ARHGEF12: variants seen among roughly 807,000 people sequenced by gnomAD.
ARHGEF12 encodes KMT2A/ARHGEF12 fusion protein.
ARHGEF12 carries 66 observed loss-of-function variants against 211.2 expected under a neutral mutation model. The ratio of observed to expected loss-of-function variants is 0.31; its 90% CI spans 0.26 to 0.38. ARHGEF12 has a LOEUF of 0.38. Among genes scored for constraint, ARHGEF12 ranks in the 10% least tolerant of loss-of-function variants. The probability of loss-of-function intolerance (pLI) is 1.00; values close to 1 mark genes in which losing one functional copy is unlikely to be tolerated. For synonymous variants in ARHGEF12, 592 were observed against 638.4 expected, an observed-to-expected ratio of 0.93 and a Z score of 1.09; for missense variants, 1,429 against 1,869.5, an observed-to-expected ratio of 0.76 and a Z score of 4.34.
intron 1 of ARHGEF12, among the ~76,000 whole-genome samples, chr11:120,355,438 T>G (rs1943105912): frequency 3.9e-5 from 6 of 152,230 alleles, no homozygotes. Flanking sequence ...ATATAATAAT[T>G]GTACAAGGCA....
intron 1 of ARHGEF12, among the ~76,000 whole-genome samples, chr11:120,383,848 G>C (rs566562139): frequency 6.6e-6 from 1 of 152,176 alleles, no homozygotes; most frequent in African/African-American, 2.4e-5. Context: ...AACAGTGGAA[G>C]ATTTTGTTAG....
chr11:120,461,557 A>G (rs1591623336), intron 27 of ARHGEF12, among the ~76,000 whole-genome samples: 1 of 152,212 alleles, frequency 6.6e-6, no homozygotes, highest in South Asian at 2.1e-4. Flanking sequence ...TTCAACTTAA[A>G]GTCATTGGCC....
chr11:120,397,161 A>G lies in ARHGEF12; in HGVS notation c.33-8957A>G, dbSNP rs11217855. 5.9e-5 allele frequency among the ~76,000 whole-genome samples: 9 copies of G among 152,314 alleles called. No individual in the cohort carries two copies. In the East Asian group the frequency reaches 1.2e-3, roughly 20 times the overall value. On this transcript the variant is annotated intron_variant, in intron 1 of 40. Transcript: ENST00000397843. ...TTTGTGTGTTTGTTTTCTACTTTCAACACAAATAGGGAGAGAGTCTCTCTC... is the reference window on the plus strand; with the variant it reads ...TTTGTGTGTTTGTTTTCTACTTTCAGCACAAATAGGGAGAGAGTCTCTCTC...
intron 1 of ARHGEF12, chr11:120,365,871 T>C (rs1044632126): frequency 6.6e-6 from 1 of 151,970 alleles, no homozygotes; most frequent in African/African-American, 2.4e-5. Context: ...TGTATCCCTG[T>C]TAACACTTCC....
At chr11:120,366,759 A>C (rs542891434) in intron 1 of ARHGEF12, among the ~76,000 whole-genome samples, 1 of 152,256 alleles carries the variant, frequency 6.6e-6, no homozygotes, top group African/African-American at 2.4e-5. Flanking sequence ...TCACGCCTGT[A>C]ATCTCAGCAC....
At position 120,460,702 on chromosome 11, in the gene ARHGEF12, G is replaced by A. The variant is rs768635441; in HGVS notation, c.2558G>A (p.Arg853Gln). The A allele has an allele frequency of 2.6e-5, 42 of 1,613,682 alleles. No homozygotes were observed. The highest frequency in any genetic ancestry group is 2.9e-5 in the Non-Finnish European group (34 of 1,179,892). ...TTGAATGAACAAATGAAGGCTGTTC[G>A]AAAGAGAAATGAGACCTCTGTTATC... ...IGLNEQMKAV[R>Q]KRNETSVIDQ... The change falls in exon 27 of 41, where the codon CGA (arginine) becomes CAA (glutamine). Residue 853 changes from arginine to glutamine, a missense_variant. Arg to Gln is a conservative substitution (Grantham distance 43). Around this residue, in one of 7 missense-constraint regions of ARHGEF12, gnomAD observed 223 missense variants for 444.6 expected, o/e 0.50. Transcript: ENST00000397843.
At chr11:120,426,729 CTG>C (rs925927001) in intron 7 of ARHGEF12, among the ~76,000 whole-genome samples, 7 of 152,140 alleles carry the variant, frequency 4.6e-5, no homozygotes, top group African/African-American at 1.4e-4. Flanking sequence ...CACCAAAACA[CTG>C]TGAAATAATT....
intron 1 of ARHGEF12, among the ~76,000 whole-genome samples, chr11:120,377,338 T>A (rs1487339843): frequency 6.6e-6 from 1 of 152,134 alleles, no homozygotes; most frequent in Non-Finnish European, 1.5e-5. Context: ...TGTGTCTGTC[T>A]TCTCTGTCTC....
intron 1 of ARHGEF12, among the ~76,000 whole-genome samples, chr11:120,345,027 G>GTAC (rs1421669305): frequency 1.3e-5 from 2 of 152,008 alleles, no homozygotes; most frequent in Admixed American, 1.3e-4. Flanking sequence ...CCTTGCTCTA[G>GTAC]TACTGGTTAA....
chr11:120,464,972 C>T, intron 27 of ARHGEF12: 1 of 346,156 alleles, frequency 2.9e-6, no homozygotes, highest in Non-Finnish European at 5.2e-6. Flanking sequence ...TGCCATTGTA[C>T]TCCAGCCTGG....
intron 38 of ARHGEF12, 123 bp from the exon 39 acceptor site, chr11:120,481,137 C>T: frequency 1.2e-6 from 1 of 851,358 alleles, no homozygotes; most frequent in Non-Finnish European, 1.8e-6. Context: ...AAACTAAACT[C>T]AGGAATTAAT....
At chr11:120,351,337 G>A (rs1304192082) in intron 1 of ARHGEF12, among the ~76,000 whole-genome samples, 13 of 25,294 alleles carry the variant, frequency 5.1e-4, no homozygotes, top group East Asian at 1.9e-3. Context: ...GCAAGACTCC[G>A]TCTCAAAAAA....
At chr11:120,477,862 C>CAAAAAAAAAAAAAAAAA (rs528182938) in intron 36 of ARHGEF12, among the ~76,000 whole-genome samples, 2 of 69,354 alleles carry the variant, frequency 2.9e-5, no homozygotes, top group Non-Finnish European at 5.9e-5. Context: ...ACCGAAACAC[C>CAAAAAAAAAAAAAAAAA]AAAAAAAAAA....
chr11:120,381,042 T>A (rs1481673190), intron 1 of ARHGEF12, among the ~76,000 whole-genome samples: 1 of 152,198 alleles, frequency 6.6e-6, no homozygotes, highest in Non-Finnish European at 1.5e-5. Flanking sequence ...TTTCTTTGCA[T>A]CAGCTGTAGA....
intron 2 of ARHGEF12, 81 bp from the exon 3 acceptor site, chr11:120,407,657 A>G (rs1591552378): frequency 9.8e-7 from 1 of 1,018,216 alleles, no homozygotes; most frequent in Non-Finnish European, 1.5e-6. Flanking sequence ...TTTTTCTTGT[A>G]AGATCCACTT....
chr11:120,389,086 G>C (rs940348046), intron 1 of ARHGEF12, among the ~76,000 whole-genome samples: 13 of 152,026 alleles, frequency 8.6e-5, no homozygotes, highest in African/African-American at 2.9e-4. Context: ...AGCCAGGCTG[G>C]TTTCGAACTC....
At chr11:120,477,343 T>C (rs781115114) in intron 35 of ARHGEF12, 38 bp downstream of exon 35, 1 of 1,609,664 alleles carries the variant, frequency 6.2e-7, no homozygotes, top group Non-Finnish European at 8.5e-7. Flanking sequence ...ACTTATTTTA[T>C]GTTTTGGGTT....
chr11:120,472,838 G>T (rs1946909435), intron 30 of ARHGEF12, among the ~76,000 whole-genome samples: 1 of 151,854 alleles, frequency 6.6e-6, no homozygotes. Context: ...TTTATTTTTA[G>T]TAGAGACGGG....
In ARHGEF12 at chr11:120,486,973, T is replaced by A. The variant is rs532881655; in HGVS notation, c.*1896T>A. 4.7e-6 allele frequency: 1 copy of A among 213,956 alleles called. No individual in the cohort carries two copies. Among genetic ancestry groups the A allele is most frequent in the African/African-American group, 2.3e-5 (1 of 44,310 alleles). The allele number at this position is 213,956 out of a possible 1,614,324, so 13.3% of individuals were successfully genotyped here. On this transcript the variant is annotated 3_prime_UTR_variant, in exon 41 of 41. Transcript: ENST00000397843. ...CTAATATATAAATGAAGTTTGGGAT[T>A]TGGAACTTTCTGTATCTCTTAGGAG...
Sources: gnomAD v4.1 joint callset for allele counts (sites outside exome capture counted in the v4.1 genomes callset) on GRCh38, gnomAD v4.1.1 for gene constraint, gnomAD v4.1.1 regional missense constraint, MANE v1.5 for transcripts, NCBI Gene and HGNC (gene_info 2026-07-23, HGNC 2026-07-21) for gene names.